ZNF804B: variants seen among roughly 807,000 people sequenced by gnomAD.
The protein encoded by ZNF804B is zinc finger 804B.
Under a neutral mutation model 101.4 loss-of-function variants are expected in ZNF804B, and 80 were observed. The observed-to-expected ratio is 0.79, with a 90% confidence interval of 0.66 to 0.95. The LOEUF (loss-of-function observed/expected upper bound fraction) is 0.95, where lower values mean the gene tolerates loss of function less well. Ranked by LOEUF, ZNF804B falls within the 40% of genes least tolerant of loss-of-function variation. ZNF804B has a pLI of 0.00. For missense variants in ZNF804B, 1,673 were observed against 1,561.9 expected (o/e 1.07, Z -1.20); for synonymous variants, 622 against 558.8 (o/e 1.11, Z -1.59).
chr7:89,078,640 ATT>A (rs35025345), intron 1 of ZNF804B, among the ~76,000 whole-genome samples: 16 of 137,254 alleles, frequency 1.2e-4, no homozygotes, highest in East Asian at 4.2e-4. Flanking sequence ...GTCTAACACG[ATT>A]TTTTTTTTTT....
intron 2 of ZNF804B, among the ~76,000 whole-genome samples, chr7:89,274,332 C>T (rs1309847422): frequency 9.3e-6 from 1 of 107,096 alleles, no homozygotes; most frequent in Admixed American, 1.1e-4. Context: ...CACCACAGTC[C>T]CCAGAGTGTG....
intron 1 of ZNF804B, among the ~76,000 whole-genome samples, chr7:89,116,282 T>G (rs17397481): frequency 0.095 from 14,425 of 152,126 alleles, 742 homozygotes; most frequent in Middle Eastern, 0.14. Context: ...ATTTGTGATG[T>G]CTATGGTTCA....
At chr7:89,272,789 C>T (rs1382429491) in intron 2 of ZNF804B, among the ~76,000 whole-genome samples, 5 of 151,882 alleles carry the variant, frequency 3.3e-5, no homozygotes, top group Admixed American at 1.3e-4. Flanking sequence ...ATGTATACAC[C>T]ACCTACCATC....
In ZNF804B at chr7:89,006,652, T is replaced by C. The variant is rs1238566031; in HGVS notation, c.109-211503T>C. Among the ~76,000 whole-genome samples, 5 of 152,088 alleles carry C rather than the reference T, an allele frequency of 3.3e-5. No homozygotes were observed. The East Asian group carries it at 9.6e-4, about 29-fold the overall frequency. ...CCATATTAAAGTTTTTAAAGCTACT[T>C]TCAATGTCAGTACATATTCACTTAA... On this transcript the variant is annotated intron_variant, in intron 1 of 3. Transcript: ENST00000333190.
intron 1 of ZNF804B, among the ~76,000 whole-genome samples, chr7:89,089,780 G>A (rs557399512): frequency 7.2e-5 from 11 of 152,182 alleles, no homozygotes; most frequent in African/African-American, 2.2e-4. Flanking sequence ...TGCAGGTGTT[G>A]TATTTTCTGC....
At chr7:88,767,052 C>T (rs1789995393) in intron 1 of ZNF804B, among the ~76,000 whole-genome samples, 1 of 152,058 alleles carries the variant, frequency 6.6e-6, no homozygotes, top group African/African-American at 2.4e-5. Flanking sequence ...TTCTTCTTGC[C>T]ATCAGTCCTT....
intron 1 of ZNF804B, among the ~76,000 whole-genome samples, chr7:88,828,337 T>G (rs1791078070): frequency 6.6e-6 from 1 of 152,276 alleles, no homozygotes; most frequent in African/African-American, 2.4e-5. Flanking sequence ...TCAGTCAACT[T>G]CAAACTCTAC....
intron 1 of ZNF804B, among the ~76,000 whole-genome samples, chr7:89,143,179 G>A (rs1202722585): frequency 1.3e-5 from 2 of 151,848 alleles, no homozygotes; most frequent in South Asian, 4.1e-4. Flanking sequence ...GGGTGGGGGG[G>A]TTGGTAAAGC....
At chr7:88,773,570 A>G (rs1037269429) in intron 1 of ZNF804B, among the ~76,000 whole-genome samples, 2 of 152,218 alleles carry the variant, frequency 1.3e-5, no homozygotes, top group Admixed American at 6.5e-5. Context: ...GGGAAGTAAC[A>G]CTACTTGGAT....
chr7:89,218,716 G>A (rs888167853), intron 2 of ZNF804B, among the ~76,000 whole-genome samples: 1 of 152,006 alleles, frequency 6.6e-6, no homozygotes, highest in African/African-American at 2.4e-5. Context: ...ATCCATTAAT[G>A]CATGTTTTAT....
At chr7:89,168,664 T>TACAA in intron 1 of ZNF804B, among the ~76,000 whole-genome samples, 1 of 150,084 alleles carries the variant, frequency 6.7e-6, no homozygotes, top group African/African-American at 2.5e-5. Flanking sequence ...CCTGAATCCC[T>TACAA]TGTAGTAGAG....
At chr7:89,323,537 A>C (rs2115973402) in intron 2 of ZNF804B, among the ~76,000 whole-genome samples, 1 of 152,308 alleles carries the variant, frequency 6.6e-6, no homozygotes, top group South Asian at 2.1e-4. Context: ...TAGATGCAAA[A>C]ATGTATTTAA....
chr7:89,082,986 T>G (rs10249591), intron 1 of ZNF804B, among the ~76,000 whole-genome samples: 51,142 of 151,392 alleles, frequency 0.34, 9,288 homozygotes, highest in East Asian at 0.52. Context: ...AACAGAAAAA[T>G]TATTTTAATA....
chr7:89,268,380 T>G (rs1789831160), intron 2 of ZNF804B, among the ~76,000 whole-genome samples: 1 of 152,150 alleles, frequency 6.6e-6, no homozygotes, highest in South Asian at 2.1e-4. Flanking sequence ...CTTTCTCATG[T>G]GTACATTCAG....
rs548843420 is a variant in ZNF804B at position 89,215,306 on chromosome 7, A to T, written c.109-2849A>T. ...GCTGTCTTAAAATTGTAAAATTTTG[A>T]ATTAAGAATCATCAATATGATACTT... On this transcript the variant is annotated intron_variant, in intron 1 of 3. Coordinates refer to ENST00000333190, the MANE Select transcript of ZNF804B (RefSeq NM_181646.5). 3.2e-4 allele frequency among the ~76,000 whole-genome samples: 49 copies of T among 152,354 alleles called. No homozygotes were observed. In the South Asian group the frequency reaches 9.7e-3, roughly 30 times the overall value.
chr7:89,245,959 G>A (rs1789438945), intron 2 of ZNF804B, among the ~76,000 whole-genome samples: 1 of 152,126 alleles, frequency 6.6e-6, no homozygotes, highest in South Asian at 2.1e-4. Flanking sequence ...CTTGGGGAGA[G>A]GCTTGGAGGT....
chr7:89,336,737 C>T lies in ZNF804B; in HGVS notation c.3755C>T (p.Thr1252Ile), dbSNP rs1458739755. 2 of 1,613,960 alleles carry T rather than the reference C, an allele frequency of 1.2e-6. No individual in the cohort carries two copies. Among genetic ancestry groups the T allele is most frequent in the Non-Finnish European group, 1.7e-6 (2 of 1,180,018 alleles). The change falls in exon 4 of 4, where the codon ACT becomes ATT. Residue 1252 changes from threonine (T) to isoleucine (I), a missense_variant. Transcript: ENST00000333190. ...HFSPISFSTLTPTIIPAHPTF... is the reference protein window; with the variant it reads ...HFSPISFSTLIPTIIPAHPTF... ...AGTCCTATTTCATTTTCGACTCTGA[C>T]TCCAACCATTATCCCTGCACACCCC...
rs190840957 is a variant in ZNF804B at position 88,851,974 on chromosome 7, T to C, written c.108+91890T>C. ...TGCTCTGAAAAAGGAACATCTCTTG[T>C]TTTCCATTGATAGTTTCTTCAAGTC... On this transcript the variant is annotated intron_variant, in intron 1 of 3. Coordinates refer to ENST00000333190, the MANE Select transcript of ZNF804B (RefSeq NM_181646.5). 2.0e-5 allele frequency among the ~76,000 whole-genome samples: 3 copies of C among 152,230 alleles called. No individual in the cohort carries two copies. In the East Asian group the frequency reaches 5.8e-4, roughly 29 times the overall value.
intron 3 of ZNF804B, among the ~76,000 whole-genome samples, chr7:89,331,024 T>C (rs1008615034): frequency 2.6e-5 from 4 of 151,096 alleles, no homozygotes; most frequent in Non-Finnish European, 5.9e-5. Context: ...TAACATGATA[T>C]AATAAATACT....
Sources: allele counts gnomAD v4.1 joint callset (sites outside exome capture counted in the v4.1 genomes callset), GRCh38; gene constraint gnomAD v4.1.1; transcripts MANE v1.5; gene names NCBI Gene and HGNC (gene_info 2026-07-23, HGNC 2026-07-21).